Variants in GRIN2A observed in about 807,000 individuals in gnomAD.
GRIN2A encodes glutamate receptor ionotropic, NMDA 2A.
GRIN2A carries 22 observed loss-of-function variants against 113.4 expected under a neutral mutation model. That is an observed-to-expected ratio of 0.19 (90% CI 0.14 to 0.28). The LOEUF is 0.28. Ranked by LOEUF, GRIN2A falls within the 10% of genes least tolerant of loss-of-function variation. The pLI is 1.00. For synonymous variants in GRIN2A, 827 were observed against 738.4 expected (o/e 1.12, Z -1.94); for missense variants, 1,502 against 1,887.0 (o/e 0.80, Z 3.78).
At chr16:9,954,683 A>G (rs561084593) in intron 2 of GRIN2A, among the ~76,000 whole-genome samples, 59 of 152,272 alleles carry the variant, frequency 3.9e-4, no homozygotes, top group Non-Finnish European at 5.9e-4. Context: ...TCAGGCCACA[A>G]ATTAGAGGTA....
intron 2 of GRIN2A, among the ~76,000 whole-genome samples, chr16:10,010,317 G>C (rs966080778): frequency 6.6e-6 from 1 of 152,160 alleles, no homozygotes; most frequent in African/African-American, 2.4e-5. Flanking sequence ...TAGTCCTCCA[G>C]AGTTTTCAAG....
intron 2 of GRIN2A, among the ~76,000 whole-genome samples, chr16:10,173,879 T>G (rs1445938645): frequency 1.3e-5 from 2 of 152,152 alleles, no homozygotes; most frequent in Non-Finnish European, 2.9e-5. Flanking sequence ...GGGGTCAAAA[T>G]CCGAGTGAAC....
intron 2 of GRIN2A, among the ~76,000 whole-genome samples, chr16:10,029,970 C>T (rs1053370911): frequency 2.0e-5 from 3 of 151,942 alleles, no homozygotes; most frequent in African/African-American, 7.3e-5. Context: ...GCACTCTAGC[C>T]TGGGCCACAG....
chr16:9,926,959 C>A lies in GRIN2A; in HGVS notation c.1007+11000G>T, dbSNP rs554368038. Among the ~76,000 whole-genome samples, 3 of 151,486 alleles carry A rather than the reference C, an allele frequency of 2.0e-5. No homozygotes were observed. The East Asian group carries it at 5.8e-4, about 29-fold the overall frequency. On this transcript the variant is annotated intron_variant, in intron 3 of 12. Transcript: ENST00000330684. Reference sequence around the variant, plus strand: ...AAAAAAACATGCACACAACACAGGTCAATTTGCAGCCTCTGAAAGTCGTAA... The same window carrying A: ...AAAAAAACATGCACACAACACAGGTAAATTTGCAGCCTCTGAAAGTCGTAA...
At chr16:9,916,578 C>T (rs2044254761) in intron 3 of GRIN2A, among the ~76,000 whole-genome samples, 1 of 152,204 alleles carries the variant, frequency 6.6e-6, no homozygotes. Flanking sequence ...TAATAGTATC[C>T]TGCTGCGGAT....
At chr16:9,960,122 G>A (rs2045407173) in intron 2 of GRIN2A, among the ~76,000 whole-genome samples, 1 of 152,116 alleles carries the variant, frequency 6.6e-6, no homozygotes, top group African/African-American at 2.4e-5. Context: ...GAACCTAGTA[G>A]TAAAAAAGGA....
chr16:9,909,965 A>G (rs1372166950), intron 3 of GRIN2A, among the ~76,000 whole-genome samples: 1 of 152,310 alleles, frequency 6.6e-6, no homozygotes, highest in East Asian at 1.9e-4. Context: ...ATCATACACT[A>G]TGTGGCCTTT....
chr16:9,918,079 C>T (rs749962407), intron 3 of GRIN2A, among the ~76,000 whole-genome samples: 2 of 152,172 alleles, frequency 1.3e-5, no homozygotes, highest in East Asian at 1.9e-4. Context: ...GTTTTACATG[C>T]TTTATTTAAT....
chr16:9,766,253 C>A (rs1320368130), intron 12 of GRIN2A, among the ~76,000 whole-genome samples: 2 of 152,192 alleles, frequency 1.3e-5, no homozygotes, highest in Non-Finnish European at 2.9e-5. Flanking sequence ...GTGTGATTAA[C>A]TGTGGACTCT....
At chr16:10,097,889 A>T (rs961898662) in intron 2 of GRIN2A, among the ~76,000 whole-genome samples, 5 of 152,190 alleles carry the variant, frequency 3.3e-5, no homozygotes, top group African/African-American at 1.2e-4. Flanking sequence ...TTAGGCAAAG[A>T]TTTCATGACC....
chr16:10,125,699 C>T (rs192069005), intron 2 of GRIN2A, among the ~76,000 whole-genome samples: 2 of 151,538 alleles, frequency 1.3e-5, no homozygotes, highest in East Asian at 1.9e-4. Flanking sequence ...CCCAGGCCTA[C>T]AGGAGGCTGG....
At chr16:10,048,942 G>T (rs1432739411) in intron 2 of GRIN2A, among the ~76,000 whole-genome samples, 1 of 152,166 alleles carries the variant, frequency 6.6e-6, no homozygotes, top group Non-Finnish European at 1.5e-5. Context: ...GGAGCCGAGG[G>T]AGAGATCTCT....
intron 10 of GRIN2A, among the ~76,000 whole-genome samples, chr16:9,812,496 G>A (rs373431894): frequency 4.9e-4 from 74 of 152,118 alleles, no homozygotes; most frequent in African/African-American, 1.7e-3. Flanking sequence ...AAAATTAACC[G>A]GGTGTGGTGG....
chr16:10,076,017 C>A (rs747883259), intron 2 of GRIN2A, among the ~76,000 whole-genome samples: 1 of 152,058 alleles, frequency 6.6e-6, no homozygotes, highest in Non-Finnish European at 1.5e-5. Context: ...AAGTTCATTC[C>A]GAGACCCATC....
At position 9,879,491 on chromosome 16, in the gene GRIN2A, T is replaced by G. The variant is rs146648147; in HGVS notation, c.1122+11495A>C. On this transcript the variant is annotated intron_variant, in intron 4 of 12. Coordinates refer to ENST00000330684, the MANE Select transcript of GRIN2A (RefSeq NM_001134407.3). ...GTGCAGCCAATGCCATGGCTTTCAG[T>G]TCTGTTTCTGAAATTTCTCTCAGAT... 1.1e-4 allele frequency among the ~76,000 whole-genome samples: 16 copies of G among 152,308 alleles called. No homozygotes were observed. In the East Asian group the frequency reaches 3.1e-3, roughly 29 times the overall value.
At chr16:10,109,179 C>T (rs1360329648) in intron 2 of GRIN2A, among the ~76,000 whole-genome samples, 1 of 151,866 alleles carries the variant, frequency 6.6e-6, no homozygotes, top group East Asian at 1.9e-4. Context: ...ATGAAATGGA[C>T]AAATTCCTGG....
Position 9,795,684 on chromosome 16 carries a change from T to C in GRIN2A, c.2356+2593A>G, listed in dbSNP as rs77419062. On this transcript the variant is annotated intron_variant, in intron 11 of 12. Transcript: ENST00000330684. ...GCTAAGCTAAGCTATGCACTTTACA[T>C]GTATTCTCCCATTTCATCTTCACAC... 1.5e-3 allele frequency among the ~76,000 whole-genome samples: 223 copies of C among 152,320 alleles called. 1 individual carries two copies. The East Asian group carries it at 0.02, about 14-fold the overall frequency.
intron 2 of GRIN2A, among the ~76,000 whole-genome samples, chr16:10,085,653 A>T (rs2048072571): frequency 6.6e-6 from 1 of 152,124 alleles, no homozygotes; most frequent in Admixed American, 6.5e-5. Context: ...GGTTGGTTGG[A>T]AACAGTGATG....
In GRIN2A at chr16:9,925,082, T is replaced by A. The variant is rs141436112; in HGVS notation, c.1007+12877A>T. Among the ~76,000 whole-genome samples, 472 of 152,352 alleles carry A rather than the reference T, an allele frequency of 3.1e-3. 3 individuals carry two copies. The highest frequency in any genetic ancestry group is 0.011 in the African/African-American group (448 of 41,578). ...GATGGGATGGAAGAAATTATAAATT[T>A]TAACTTTTTTCGTGCTGATATTTTT... On this transcript the variant is annotated intron_variant, in intron 3 of 12. Coordinates refer to ENST00000330684, the MANE Select transcript of GRIN2A (RefSeq NM_001134407.3).
Sources: allele counts gnomAD v4.1 joint callset (sites outside exome capture counted in the v4.1 genomes callset), GRCh38; gene constraint gnomAD v4.1.1; transcripts MANE v1.5; gene names NCBI Gene and HGNC (gene_info 2026-07-23, HGNC 2026-07-21).